The following CELF2 variants were observed in gnomAD, a reference collection of about 807,000 sequenced individuals.
The protein encoded by CELF2 is CUGBP Elav-like family member 2.
In CELF2, 8 loss-of-function variants were observed where a neutral mutation model predicts 62.6. The ratio of observed to expected loss-of-function variants is 0.13; its 90% confidence interval spans 0.07 to 0.23. The LOEUF is 0.23. Among genes scored for constraint, CELF2 ranks in the 10% least tolerant of loss-of-function variants. The pLI is 1.00. For synonymous variants in CELF2, 258 were observed against 250.0 expected, an observed-to-expected ratio of 1.03 and a Z score of -0.30; for missense variants, 333 against 671.0, an observed-to-expected ratio of 0.50 and a Z score of 5.56.
At chr10:10,857,271 G>C (rs1349627432) in intron 1 of CELF2, among the ~76,000 whole-genome samples, 1 of 152,082 alleles carries the variant, frequency 6.6e-6, no homozygotes, top group Non-Finnish European at 1.5e-5. Context: ...AAGCTAAAAA[G>C]CTTCTAGAGC....
At position 11,046,780 on chromosome 10, in the gene CELF2, A is replaced by G. The variant is rs1007036261; in HGVS notation, c.74+28617A>G. 1.3e-5 allele frequency among the ~76,000 whole-genome samples: 2 copies of G among 152,204 alleles called. No individual in the cohort carries two copies. Among genetic ancestry groups the G allele is most frequent in the African/African-American group, 2.4e-5 (1 of 41,442 alleles). On this transcript the variant is annotated intron_variant, in intron 1 of 12. Transcript: ENST00000633077. The surrounding 1 kb of genome is among the most constrained non-coding windows in gnomAD (Gnocchi z 4.6). Reference sequence around the variant, plus strand: ...TCATTTCGCTATTTCTCAACACCCTATTAACATAAAGCTTAAGCCCTTGGC... The same window carrying G: ...TCATTTCGCTATTTCTCAACACCCTGTTAACATAAAGCTTAAGCCCTTGGC...
intron 2 of CELF2, among the ~76,000 whole-genome samples, chr10:11,208,088 G>A (rs1382432663): frequency 6.6e-6 from 1 of 152,168 alleles, no homozygotes; most frequent in East Asian, 1.9e-4. Flanking sequence ...TCGACTCGTG[G>A]TTGCTGGGAT....
intron 1 of CELF2, among the ~76,000 whole-genome samples, chr10:10,863,825 A>C (rs1287345221): frequency 6.6e-6 from 1 of 152,210 alleles, no homozygotes. Context: ...TCTGGTCAAA[A>C]GCAGCCCACT....
the CELF2 span, among the ~76,000 whole-genome samples, chr10:10,516,612 G>C: frequency 6.6e-6 from 1 of 151,938 alleles, no homozygotes; most frequent in Non-Finnish European, 1.5e-5. Flanking sequence ...TTTACTGAGA[G>C]CTGGTTTTTC....
intron 2 of CELF2, among the ~76,000 whole-genome samples, chr10:11,201,473 G>C (rs2059198538): frequency 6.6e-6 from 1 of 152,186 alleles, no homozygotes; most frequent in Non-Finnish European, 1.5e-5. Flanking sequence ...GGAGAGGAAA[G>C]AAAGTATGGA....
the CELF2 span, among the ~76,000 whole-genome samples, chr10:10,746,497 T>C: frequency 1.3e-5 from 2 of 152,198 alleles, no homozygotes; most frequent in African/African-American, 2.4e-5. Flanking sequence ...ATTCAAAAAT[T>C]TTAGAAGCTT....
the CELF2 span, among the ~76,000 whole-genome samples, chr10:10,510,853 G>A: frequency 6.6e-6 from 1 of 152,212 alleles, no homozygotes; most frequent in Non-Finnish European, 1.5e-5. Flanking sequence ...AAGATCTGGG[G>A]TAAGAGCCTT....
intron 2 of CELF2, among the ~76,000 whole-genome samples, chr10:10,970,985 G>T (rs1564287320): frequency 6.6e-6 from 1 of 151,944 alleles, no homozygotes; most frequent in African/African-American, 2.4e-5. Context: ...TGATGACATT[G>T]AATGAAGGGA....
chr10:10,499,488 G>A, the CELF2 span, among the ~76,000 whole-genome samples: 5 of 152,128 alleles, frequency 3.3e-5, no homozygotes, highest in Non-Finnish European at 5.9e-5. Flanking sequence ...TGTTAAGTTC[G>A]CTTAGGAGTT....
intron 1 of CELF2, among the ~76,000 whole-genome samples, chr10:11,152,972 G>C (rs1055607025): frequency 6.6e-6 from 1 of 152,114 alleles, no homozygotes; most frequent in Admixed American, 6.5e-5. Context: ...AATCTTCCAC[G>C]GTCAGACTTA....
the CELF2 span, among the ~76,000 whole-genome samples, chr10:10,628,952 AT>A: frequency 1.3e-5 from 2 of 152,204 alleles, no homozygotes; most frequent in African/African-American, 2.4e-5. Flanking sequence ...GTACTTTCTA[AT>A]TTTAACAACT....
At chr10:10,468,127 C>G in the CELF2 span, among the ~76,000 whole-genome samples, 1 of 152,048 alleles carries the variant, frequency 6.6e-6, no homozygotes, top group Non-Finnish European at 1.5e-5. Context: ...CACTGAAACT[C>G]TTGCAAAATT....
intron 1 of CELF2, chr10:10,846,229 C>T: frequency 2.6e-6 from 1 of 388,846 alleles, no homozygotes; most frequent in Non-Finnish European, 3.5e-6. Flanking sequence ...ACGATATGGC[C>T]TCCTCATATG....
chr10:10,997,369 G>C lies in CELF2; in HGVS notation c.89+77370G>C, dbSNP rs1157479617. 6.6e-6 allele frequency among the ~76,000 whole-genome samples: 1 copy of C among 152,144 alleles called. No homozygotes were observed. Among genetic ancestry groups the C allele is most frequent in the African/African-American group, 2.4e-5 (1 of 41,438 alleles). On this transcript the variant is annotated intron_variant, in intron 2 of 13. Transcript: ENST00000636488. The surrounding 1 kb of genome is among the most constrained non-coding windows in gnomAD (Gnocchi z 5.3). Reference sequence around the variant, plus strand: ...GAGAATTTCAAACTCATCTTTCCTAGACCATCTGGGCTTCTCTTGCATTTC... The same window carrying C: ...GAGAATTTCAAACTCATCTTTCCTACACCATCTGGGCTTCTCTTGCATTTC...
intron 1 of CELF2, among the ~76,000 whole-genome samples, chr10:10,802,604 C>T (rs2054785265): frequency 6.6e-6 from 1 of 152,162 alleles, no homozygotes; most frequent in Admixed American, 6.5e-5. Context: ...CCCAGAATAT[C>T]TGGTGTCTCC....
the CELF2 span, among the ~76,000 whole-genome samples, chr10:10,480,540 G>A: frequency 3.3e-5 from 5 of 152,098 alleles, no homozygotes; most frequent in Non-Finnish European, 5.9e-5. Context: ...GAATCACAGG[G>A]GGTACACATG....
intron 3 of CELF2, among the ~76,000 whole-genome samples, chr10:11,219,435 G>A (rs1201054290): frequency 6.6e-6 from 1 of 152,208 alleles, no homozygotes. Context: ...CAGACCCACT[G>A]TCAAGGACAA....
chr10:11,326,727 G>T (rs575341639), intron 12 of CELF2, among the ~76,000 whole-genome samples: 5 of 152,300 alleles, frequency 3.3e-5, no homozygotes, highest in African/African-American at 1.2e-4. Flanking sequence ...CAGTTTACAG[G>T]CCAGGATGTT....
intron 2 of CELF2, among the ~76,000 whole-genome samples, chr10:10,943,652 G>A (rs2047299107): frequency 6.6e-6 from 1 of 152,122 alleles, no homozygotes; most frequent in South Asian, 2.1e-4. Context: ...AGGCTGGAGT[G>A]CAGTGGCACA....
Sources: gnomAD v4.1 joint callset for allele counts (sites outside exome capture counted in the v4.1 genomes callset) on GRCh38, gnomAD v4.1.1 for gene constraint, Gnocchi (gnomAD v3.1) non-coding constraint, MANE v1.5 for transcripts, NCBI Gene and HGNC (gene_info 2026-07-23, HGNC 2026-07-21) for gene names.